Variants in ZNF695 observed in about 807,000 individuals in gnomAD.
ZNF695 encodes zinc finger protein 695.
Under a neutral mutation model 11.2 loss-of-function variants are expected in ZNF695, and 11 were observed. The observed-to-expected ratio is 0.98, with a 90% CI of 0.62 to 1.62. ZNF695 has a LOEUF of 1.62. ZNF695 is among the 40% of genes most tolerant of loss of function. The pLI, the probability that ZNF695 is intolerant of heterozygous loss-of-function variation, is 0.00. For missense variants in ZNF695, 559 were observed against 590.5 expected (o/e 0.95, Z 0.55); for synonymous variants, 190 against 201.4 (o/e 0.94, Z 0.48).
At chr1:247,007,667 C>T (rs1299723725) in intron 1 of ZNF695, among the ~76,000 whole-genome samples, 2 of 152,042 alleles carry the variant, frequency 1.3e-5, no homozygotes, top group Non-Finnish European at 2.9e-5. Context: ...GGCTCTGGGC[C>T]GTGCCGAAGT....
At chr1:246,949,383 G>A (rs988564701) in intron 5 of ZNF695, among the ~76,000 whole-genome samples, 1 of 152,080 alleles carries the variant, frequency 6.6e-6, no homozygotes, top group Non-Finnish European at 1.5e-5. Flanking sequence ...CTGAGGTCAG[G>A]AGTTCAAGAT....
chr1:246,965,225 C>A (rs1186388927), intron 5 of ZNF695, among the ~76,000 whole-genome samples: 1 of 151,972 alleles, frequency 6.6e-6, no homozygotes, highest in East Asian at 2.0e-4. Flanking sequence ...GGCATGGTGG[C>A]GGGCGCCTGT....
At chr1:246,981,011 G>A (rs1372943056), downstream of ZNF695, among the ~76,000 whole-genome samples, 1 of 152,110 alleles carries the variant, frequency 6.6e-6, no homozygotes, top group Non-Finnish European at 1.5e-5. Context: ...TATGTCGGAT[G>A]GGTTAATATT....
chr1:246,951,878 G>A (rs902310444), intron 5 of ZNF695, among the ~76,000 whole-genome samples: 16 of 152,108 alleles, frequency 1.1e-4, no homozygotes, highest in African/African-American at 2.7e-4. Flanking sequence ...TTCTCCCCCC[G>A]CTCTTTGTCC....
chr1:246,953,394 G>T (rs1324385785), intron 5 of ZNF695, among the ~76,000 whole-genome samples: 3 of 151,774 alleles, frequency 2.0e-5, no homozygotes, highest in African/African-American at 7.3e-5. Flanking sequence ...GGATCACGAG[G>T]TTAGGCGACC....
At chr1:247,001,169 C>T (rs951000074) in intron 1 of ZNF695, among the ~76,000 whole-genome samples, 1 of 152,126 alleles carries the variant, frequency 6.6e-6, no homozygotes, top group African/African-American at 2.4e-5. Flanking sequence ...CAGTGACACC[C>T]ATAGGCTAAA....
chr1:246,964,109 C>A (rs930618803), intron 5 of ZNF695, among the ~76,000 whole-genome samples: 1 of 152,102 alleles, frequency 6.6e-6, no homozygotes, highest in African/African-American at 2.4e-5. Flanking sequence ...CAGGTGGCTT[C>A]CACGCCCCCT....
chr1:246,947,206 G>GT (rs60695921), intron 5 of ZNF695, among the ~76,000 whole-genome samples: 58,668 of 124,306 alleles, frequency 0.47, 14,026 homozygotes, highest in Admixed American at 0.53. Flanking sequence ...TGGGGGGGTG[G>GT]TTTTTTTTTT....
At chr1:246,947,357 G>A (rs961393740) in intron 5 of ZNF695, among the ~76,000 whole-genome samples, 5 of 151,874 alleles carry the variant, frequency 3.3e-5, no homozygotes, top group South Asian at 2.1e-4. Context: ...TTGAGAAGCC[G>A]GGACTATTGG....
chr1:246,956,314 C>A (rs2103001451), intron 5 of ZNF695, among the ~76,000 whole-genome samples: 1 of 149,802 alleles, frequency 6.7e-6, no homozygotes, highest in South Asian at 2.2e-4. Flanking sequence ...TTAAAAAAAT[C>A]TATAAAAGAT....
chr1:246,970,027 TAAAG>T (rs1668385966), intron 4 of ZNF695, among the ~76,000 whole-genome samples: 2 of 152,212 alleles, frequency 1.3e-5, no homozygotes, highest in African/African-American at 4.8e-5. Flanking sequence ...TAGAGATACT[TAAAG>T]AGTCAACTTG....
Position 246,987,847 on chromosome 1 carries a change from T to C in ZNF695, c.668A>G (p.Glu223Gly), listed in dbSNP as rs746410715. The stretch of plus-strand genomic sequence containing the variant: ...CTTACAGTCAGTAAAGCATGAGCAC[T>C]CATTAAAGGCTTTGCCACATTTTTT... ...QCKKCGKAFN[E>G]CSCFTDCKRI... Residue 223 changes from glutamate to glycine, a missense_variant, in exon 4 of 4, where the codon GAG becomes GGG. Glu to Gly is a moderately conservative substitution (Grantham distance 98). Coordinates refer to ENST00000339986, the MANE Select transcript of ZNF695 (RefSeq NM_020394.5). The C allele has an allele frequency of 2.0e-5, 32 of 1,610,514 alleles. No homozygotes were observed. In the Admixed American group the frequency reaches 5.4e-4, roughly 27 times the overall value.
chr1:246,971,839 C>T (rs530268001), intron 4 of ZNF695, among the ~76,000 whole-genome samples: 1 of 152,208 alleles, frequency 6.6e-6, no homozygotes, highest in Non-Finnish European at 1.5e-5. Context: ...GCCTTGGCAC[C>T]TGGGTGGCTT....
intron 1 of ZNF695, among the ~76,000 whole-genome samples, chr1:247,006,497 G>A (rs1242923320): frequency 1.3e-5 from 2 of 152,124 alleles, no homozygotes; most frequent in African/African-American, 4.8e-5. Context: ...TGTATTCCCA[G>A]CTACCAGGAG....
At chr1:246,956,365 C>T (rs370409575) in intron 5 of ZNF695, among the ~76,000 whole-genome samples, 41 of 151,518 alleles carry the variant, frequency 2.7e-4, no homozygotes, top group African/African-American at 8.9e-4. Context: ...CCTGTAATCC[C>T]AGCACTCTGG....
At chr1:246,945,808 C>T (rs1055964574) in exon 6 of ZNF695, 9 of 1,549,898 alleles carry the variant, frequency 5.8e-6, no homozygotes, top group African/African-American at 1.4e-5. Context: ...CAAAGCAGCT[C>T]GATGGTCGAC....
Position 246,987,825 on chromosome 1 carries a change from A to T in ZNF695, c.690T>A (p.Cys230Ter). Residue 230 changes from cysteine (C) to a stop codon, truncating the protein, a stop_gained, in exon 4 of 4, where the codon TGT (cysteine) becomes TGA (stop). Transcript: ENST00000339986. LOFTEE classifies it low-confidence loss of function (END_TRUNC). ...AFNECSCFTD[C>*]KRIHVGEKHC... ...GTTTCTCTCCAACATGAATTCTCTTACAGTCAGTAAAGCATGAGCACTCAT... is the reference window on the plus strand; with the variant it reads ...GTTTCTCTCCAACATGAATTCTCTTTCAGTCAGTAAAGCATGAGCACTCAT... The T allele has an allele frequency of 6.2e-7, 1 of 1,611,886 alleles. No individual in the cohort carries two copies. Among genetic ancestry groups the T allele is most frequent in the Admixed American group, 1.7e-5 (1 of 59,440 alleles).
downstream of ZNF695, chr1:246,985,309 A>C (rs529386504): frequency 3.9e-4 from 388 of 984,902 alleles, 2 homozygotes; most frequent in South Asian, 2.2e-3. Context: ...TTCAAGATTC[A>C]GAAATACACG....
At chr1:246,983,878 G>A (rs1668773528), downstream of ZNF695, among the ~76,000 whole-genome samples, 1 of 151,516 alleles carries the variant, frequency 6.6e-6, no homozygotes, top group Non-Finnish European at 1.5e-5. Context: ...AAATTTCCAG[G>A]CCAGGTGTGG....
Sources: gnomAD v4.1 joint callset for allele counts (sites outside exome capture counted in the v4.1 genomes callset) on GRCh38, gnomAD v4.1.1 for gene constraint, MANE v1.5 for transcripts, NCBI Gene and HGNC (gene_info 2026-07-23, HGNC 2026-07-21) for gene names.